The following NCOA7 variants were observed in gnomAD, a reference collection of about 807,000 sequenced individuals.
The protein encoded by NCOA7 is nuclear receptor coactivator 7.
A neutral mutation model predicts 104.3 loss-of-function variants in NCOA7; 45 were observed. The ratio of observed to expected loss-of-function variants is 0.43; its 90% CI spans 0.34 to 0.55. The LOEUF (loss-of-function observed/expected upper bound fraction) is 0.55. Among genes scored for constraint, NCOA7 ranks in the 20% least tolerant of loss-of-function variants. The pLI, the probability that NCOA7 is intolerant of heterozygous loss-of-function variation, is 0.02. For missense variants in NCOA7, 1,041 were observed against 1,119.7 expected, an observed-to-expected ratio of 0.93 and a Z score of 1.00; for synonymous variants, 398 against 402.3, an observed-to-expected ratio of 0.99 and a Z score of 0.13.
At chr6:125,795,606 G>C (rs1775244974) in intron 1 of NCOA7, among the ~76,000 whole-genome samples, 1 of 152,130 alleles carries the variant, frequency 6.6e-6, no homozygotes, top group South Asian at 2.1e-4. Flanking sequence ...AGATGCCTTG[G>C]AGTGTTGTCT....
intron 2 of NCOA7, chr6:125,818,897 A>G (rs895086594): frequency 6.6e-6 from 1 of 152,410 alleles, no homozygotes; most frequent in Admixed American, 6.5e-5. Flanking sequence ...GGAGAGAAGG[A>G]TAAAATGTCA....
chr6:125,890,035 C>T, intron 9 of NCOA7, 54 bp downstream of exon 9: 3 of 1,325,650 alleles, frequency 2.3e-6, no homozygotes, highest in Non-Finnish European at 1.0e-6. Context: ...TGCCTTTCTA[C>T]AATTTGCACA....
At chr6:125,872,104 T>TTTTTG (rs1252285651) in intron 3 of NCOA7, among the ~76,000 whole-genome samples, 4 of 152,304 alleles carry the variant, frequency 2.6e-5, no homozygotes, top group South Asian at 4.1e-4. Context: ...GAAGGCGTTT[T>TTTTTG]TTTTGTTTTG....
intron 3 of NCOA7, among the ~76,000 whole-genome samples, chr6:125,871,187 G>C (rs1017851415): frequency 6.6e-6 from 1 of 152,228 alleles, no homozygotes; most frequent in Admixed American, 6.5e-5. Flanking sequence ...AGAAAGGTCT[G>C]TGAGGAGACC....
chr6:125,813,741 C>T (rs1182416772), intron 1 of NCOA7, among the ~76,000 whole-genome samples: 1 of 152,086 alleles, frequency 6.6e-6, no homozygotes, highest in Admixed American at 6.6e-5. Context: ...TGAGCCCCTG[C>T]GCCTGGCCGG....
chr6:125,885,387 G>GATTTTA (rs1199071943), intron 8 of NCOA7, 44 bp downstream of exon 8: 1 of 1,594,062 alleles, frequency 6.3e-7, no homozygotes, highest in East Asian at 2.2e-5. Context: ...GGTGTTGAGA[G>GATTTTA]AGCTAAATGT....
At chr6:125,928,034 G>T in intron 14 of NCOA7, 140 bp from the exon 15 acceptor site, 1 of 815,400 alleles carries the variant, frequency 1.2e-6, no homozygotes, top group South Asian at 1.5e-5. Context: ...CCTGGTGTGG[G>T]CCAGGTCTGG....
chr6:125,883,301 A>T (rs1175125235), intron 7 of NCOA7, among the ~76,000 whole-genome samples: 1 of 152,206 alleles, frequency 6.6e-6, no homozygotes, highest in African/African-American at 2.4e-5. Flanking sequence ...CATTTATAAA[A>T]TTTGCAAACA....
In NCOA7 at chr6:125,878,367, C is replaced by A. The variant is rs1337686153; in HGVS notation, c.456C>A (p.Gly152=). The A allele has an allele frequency of 6.2e-7, 1 of 1,600,442 alleles. No homozygotes were observed. Among genetic ancestry groups the A allele is most frequent in the East Asian group, 2.2e-5 (1 of 44,504 alleles). The change falls in exon 5 of 16, where the codon GGC becomes GGA. Residue 152 remains glycine (G), a synonymous_variant. Coordinates refer to ENST00000392477, the MANE Select transcript of NCOA7 (RefSeq NM_181782.5). ...NKLFTHTIVP[G]QVLFVPDANS... The stretch of plus-strand genomic sequence containing the variant: ...TTTTCACACATACTATTGTTCCAGG[C>A]CAGGTAATTATACTCTTACTGGATA...
intron 2 of NCOA7, 104 bp from the exon 3 acceptor site, chr6:125,854,916 G>T (rs186708987): frequency 4.2e-6 from 3 of 706,472 alleles, no homozygotes; most frequent in Non-Finnish European, 7.0e-6. Context: ...AGTGTTTTCT[G>T]TATCAGTTCA....
At chr6:125,892,140 A>G (rs1289200378) in intron 10 of NCOA7, among the ~76,000 whole-genome samples, 2 of 152,222 alleles carry the variant, frequency 1.3e-5, no homozygotes, top group Non-Finnish European at 2.9e-5. Flanking sequence ...TGGGTTGTGT[A>G]AACTTGATCA....
At chr6:125,857,438 TA>T (rs147155000) in intron 3 of NCOA7, among the ~76,000 whole-genome samples, 4,618 of 127,106 alleles carry the variant, frequency 0.036, 238 homozygotes, top group African/African-American at 0.18. Context: ...CATATATATA[TA>T]TATTTTTTTT....
intron 2 of NCOA7, among the ~76,000 whole-genome samples, chr6:125,820,387 C>T (rs1778062569): frequency 6.6e-6 from 1 of 152,190 alleles, no homozygotes; most frequent in African/African-American, 2.4e-5. Flanking sequence ...AAATAACCAA[C>T]TAACAAGATG....
chr6:125,812,793 A>T (rs1342796169), intron 1 of NCOA7, among the ~76,000 whole-genome samples: 2 of 152,080 alleles, frequency 1.3e-5, no homozygotes, highest in Non-Finnish European at 2.9e-5. Context: ...TGTATATTGT[A>T]CTAGATCTTC....
At chr6:125,828,058 C>T (rs577339903) in intron 2 of NCOA7, among the ~76,000 whole-genome samples, 23 of 152,312 alleles carry the variant, frequency 1.5e-4, no homozygotes, top group African/African-American at 5.5e-4. Context: ...AAAACAGGTT[C>T]TGGACTGAGA....
chr6:125,782,181 C>T (rs1583201959), intron 1 of NCOA7, among the ~76,000 whole-genome samples: 1 of 152,068 alleles, frequency 6.6e-6, no homozygotes, highest in Non-Finnish European at 1.5e-5. Flanking sequence ...ATTTTGCTTT[C>T]TTTTTACTTT....
intron 2 of NCOA7, among the ~76,000 whole-genome samples, chr6:125,842,270 T>G (rs1281724346): frequency 6.6e-6 from 1 of 152,224 alleles, no homozygotes. Flanking sequence ...AACGGGAAAG[T>G]CAGTTAAAAT....
intron 10 of NCOA7, among the ~76,000 whole-genome samples, chr6:125,906,199 A>G (rs2128677444): frequency 6.6e-6 from 1 of 152,260 alleles, no homozygotes; most frequent in Non-Finnish European, 1.5e-5. Flanking sequence ...TACAGAGAGG[A>G]GGGTTAAAAC....
At chr6:125,835,893 GA>G (rs1225672499) in intron 2 of NCOA7, among the ~76,000 whole-genome samples, 1 of 152,188 alleles carries the variant, frequency 6.6e-6, no homozygotes, top group Non-Finnish European at 1.5e-5. Flanking sequence ...TTAAAAAGGA[GA>G]ATGACATGCT....
Sources: allele counts gnomAD v4.1 joint callset (sites outside exome capture counted in the v4.1 genomes callset), GRCh38; gene constraint gnomAD v4.1.1; transcripts MANE v1.5; gene names NCBI Gene and HGNC (gene_info 2026-07-23, HGNC 2026-07-21).